Variants in SGCZ observed in about 807,000 individuals in gnomAD.
The protein encoded by SGCZ is sarcoglycan zeta.
SGCZ carries 40 observed loss-of-function variants against 41.3 expected under a neutral mutation model. The ratio of observed to expected loss-of-function variants is 0.97; its 90% CI spans 0.75 to 1.26. SGCZ has a LOEUF of 1.26. SGCZ is among the 50% of genes most tolerant of loss of function. SGCZ has a pLI of 0.00. For missense variants in SGCZ, 552 were observed against 369.8 expected, an observed-to-expected ratio of 1.49 and a Z score of -4.04; for synonymous variants, 206 against 137.5, an observed-to-expected ratio of 1.50 and a Z score of -3.49.
chr8:15,049,793 T>C (rs1175659791), intron 1 of SGCZ, among the ~76,000 whole-genome samples: 1 of 152,148 alleles, frequency 6.6e-6, no homozygotes, highest in African/African-American at 2.4e-5. Context: ...TCCCCCATAC[T>C]GTTCTCCTGG....
chr8:14,354,476 T>C (rs956143816), intron 2 of SGCZ, among the ~76,000 whole-genome samples: 4 of 151,788 alleles, frequency 2.6e-5, no homozygotes, highest in African/African-American at 9.7e-5. Context: ...CTCTTGTAGA[T>C]TAAGGATAAG....
rs188088547 is a variant in SGCZ at position 14,219,604 on chromosome 8, G to A, written c.424+17988C>T. Among the ~76,000 whole-genome samples the A allele has an allele frequency of 7.1e-3, 1,081 of 152,240 alleles. 4 individuals carry two copies. Among genetic ancestry groups the A allele is most frequent in the Non-Finnish European group, 0.011 (781 of 68,028 alleles). On this transcript the variant is annotated intron_variant, in intron 4 of 7. Coordinates refer to ENST00000382080, the MANE Select transcript of SGCZ (RefSeq NM_139167.4). The stretch of plus-strand genomic sequence containing the variant: ...TCTACTAAAAATACAAAAATTAGCT[G>A]GGCGTGGTGGCGCGTGCCTATAGTC...
intron 1 of SGCZ, among the ~76,000 whole-genome samples, chr8:14,894,541 A>G (rs2130748204): frequency 6.6e-6 from 1 of 152,262 alleles, no homozygotes; most frequent in South Asian, 2.1e-4. Context: ...GGTCACAATG[A>G]ACAGGAGCTT....
intron 1 of SGCZ, among the ~76,000 whole-genome samples, chr8:14,918,554 G>T (rs117182637): frequency 0.031 from 4,790 of 152,274 alleles, 92 homozygotes; most frequent in Non-Finnish European, 0.051. Context: ...GGATATTTGA[G>T]TGTAAACAAA....
intron 1 of SGCZ, among the ~76,000 whole-genome samples, chr8:14,814,539 G>A (rs1386076236): frequency 6.6e-6 from 1 of 152,174 alleles, no homozygotes; most frequent in African/African-American, 2.4e-5. Flanking sequence ...AGTATGTAAA[G>A]CAGCATCTCA....
At chr8:14,270,705 C>A (rs983564998) in intron 3 of SGCZ, among the ~76,000 whole-genome samples, 2 of 151,914 alleles carry the variant, frequency 1.3e-5, no homozygotes, top group African/African-American at 4.8e-5. Context: ...GGAATAGTGC[C>A]GCAATAAACA....
chr8:14,477,096 T>C (rs1289722010), intron 2 of SGCZ, among the ~76,000 whole-genome samples: 1 of 152,204 alleles, frequency 6.6e-6, no homozygotes, highest in African/African-American at 2.4e-5. Flanking sequence ...TTCCTTAATA[T>C]TTCCTTCCTT....
At chr8:14,597,157 T>TA (rs1805438626) in intron 1 of SGCZ, among the ~76,000 whole-genome samples, 3 of 152,166 alleles carry the variant, frequency 2.0e-5, no homozygotes, top group Non-Finnish European at 4.4e-5. Context: ...ATATTTTAAA[T>TA]CAAAAAAGCT....
At chr8:14,194,623 T>C (rs1442846257) in intron 4 of SGCZ, among the ~76,000 whole-genome samples, 4 of 152,096 alleles carry the variant, frequency 2.6e-5, no homozygotes, top group South Asian at 2.1e-4. Flanking sequence ...TTCTGGCCAA[T>C]ATAGAGTTAT....
At chr8:15,063,722 G>C (rs770301315) in intron 1 of SGCZ, among the ~76,000 whole-genome samples, 13 of 152,240 alleles carry the variant, frequency 8.5e-5, no homozygotes, top group Non-Finnish European at 1.9e-4. Context: ...TGCATGACTG[G>C]TTATTACTGT....
intron 2 of SGCZ, among the ~76,000 whole-genome samples, chr8:14,468,180 G>T (rs1801105258): frequency 6.6e-6 from 1 of 151,906 alleles, no homozygotes; most frequent in African/African-American, 2.4e-5. Context: ...TACATAAGTT[G>T]TAATGTGATT....
At chr8:14,885,985 TTATATATATA>T (rs71209089) in intron 1 of SGCZ, among the ~76,000 whole-genome samples, 2,083 of 55,890 alleles carry the variant, frequency 0.037, 55 homozygotes, top group South Asian at 0.052. Context: ...GGACTTTATG[TTATATATATA>T]TATATATATA....
intron 2 of SGCZ, among the ~76,000 whole-genome samples, chr8:14,370,068 T>C (rs1803856873): frequency 6.6e-6 from 1 of 151,976 alleles, no homozygotes; most frequent in Admixed American, 6.6e-5. Flanking sequence ...CTGATTCTTA[T>C]TATGCTGGAG....
rs187350732 is a variant in SGCZ at position 14,087,501 on chromosome 8, C to G, written c.*2942G>C. Among the ~76,000 whole-genome samples the G allele has an allele frequency of 1.3e-5, 2 of 151,530 alleles. No individual in the cohort carries two copies. Among genetic ancestry groups the G allele is most frequent in the East Asian group, 3.9e-4 (2 of 5,126 alleles). ...TCCGTTTGTTCCTTCCTGGCGTACA[C>G]TGAGTATGAAGTTATTAAGATACGG... On this transcript the variant is annotated 3_prime_UTR_variant, in exon 8 of 8. Transcript: ENST00000382080.
At chr8:14,463,396 C>A (rs892912847) in intron 2 of SGCZ, among the ~76,000 whole-genome samples, 4 of 124,802 alleles carry the variant, frequency 3.2e-5, no homozygotes, top group East Asian at 4.5e-4. Context: ...AAGTTTTTAA[C>A]AAGTGGTGTA....
intron 2 of SGCZ, among the ~76,000 whole-genome samples, chr8:14,452,786 G>T (rs1012871289): frequency 1.3e-5 from 2 of 152,080 alleles, no homozygotes; most frequent in Non-Finnish European, 2.9e-5. Flanking sequence ...AAGGCAGGAA[G>T]CATGAAACAT....
At chr8:14,413,307 C>T (rs978893961) in intron 2 of SGCZ, among the ~76,000 whole-genome samples, 1 of 151,990 alleles carries the variant, frequency 6.6e-6, no homozygotes, top group African/African-American at 2.4e-5. Flanking sequence ...CACGTTGTGT[C>T]AGCAATATTA....
chr8:14,708,822 T>TGTGTGTGTGTGTGC (rs903103030), intron 1 of SGCZ, among the ~76,000 whole-genome samples: 5 of 151,702 alleles, frequency 3.3e-5, no homozygotes, highest in African/African-American at 1.2e-4. Flanking sequence ...AGTGTGTGTG[T>TGTGTGTGTGTGTGC]GTGTGTGTGT....
chr8:14,612,475 C>A (rs1805961214), intron 1 of SGCZ, among the ~76,000 whole-genome samples: 1 of 152,106 alleles, frequency 6.6e-6, no homozygotes, highest in Non-Finnish European at 1.5e-5. Flanking sequence ...TTATAACTTA[C>A]CCAGACTCAG....
Sources: allele counts gnomAD v4.1 joint callset (sites outside exome capture counted in the v4.1 genomes callset), GRCh38; gene constraint gnomAD v4.1.1; transcripts MANE v1.5; gene names NCBI Gene and HGNC (gene_info 2026-07-23, HGNC 2026-07-21).